SP100: variants seen among roughly 807,000 people sequenced by gnomAD.
SP100 encodes the protein SP100 nuclear body protein, also known as nuclear autoantigen Sp-100.
Under a neutral mutation model 130.0 loss-of-function variants are expected in SP100, and 84 were observed. That is an observed-to-expected ratio of 0.65 (90% CI 0.54 to 0.77). The LOEUF (loss-of-function observed/expected upper bound fraction) is 0.77, where lower values mean the gene tolerates loss of function less well. Ranked by LOEUF, SP100 falls within the 30% of genes least tolerant of loss-of-function variation. SP100 has a pLI of 0.00. For missense variants in SP100, 978 were observed against 1,052.2 expected (o/e 0.93, Z 0.97); for synonymous variants, 331 against 351.7 (o/e 0.94, Z 0.66).
At chr2:230,481,542 T>A (rs547208846) in intron 17 of SP100, among the ~76,000 whole-genome samples, 1 of 152,220 alleles carries the variant, frequency 6.6e-6, no homozygotes, top group South Asian at 2.1e-4. Context: ...CCTATTATCT[T>A]GCATGTGGAA....
Position 230,461,379 on chromosome 2 carries a change from C to A in SP100, c.938C>A (p.Ala313Glu), listed in dbSNP as rs143684378. 9.9e-6 allele frequency: 16 copies of A among 1,614,006 alleles called. No individual in the cohort carries two copies. In the African/African-American group the frequency reaches 1.5e-4, roughly 15 times the overall value. Residue 313 changes from alanine (A) to glutamate (E), a missense_variant, in exon 9 of 29, where the codon GCA becomes GAA. Transcript: ENST00000340126. Reference protein sequence around the residue: ...SNSKVECQAQARTHHNQASDI... With the variant: ...SNSKVECQAQERTHHNQASDI... ...TCAAAAGTTGAGTGCCAAGCCCAAG[C>A]AAGAACTCATCATAACCAGGCATCT...
intron 2 of SP100, chr2:230,440,548 T>G: frequency 7.2e-7 from 1 of 1,380,868 alleles, no homozygotes. Context: ...CTGGGTAAAA[T>G]TAAACACATG....
intron 2 of SP100, chr2:230,440,549 TAAAC>T: frequency 7.2e-7 from 1 of 1,380,618 alleles, no homozygotes. Context: ...TGGGTAAAAT[TAAAC>T]ACATGTAAGT....
chr2:230,470,917 C>T (rs960448327), intron 15 of SP100, among the ~76,000 whole-genome samples: 1 of 151,556 alleles, frequency 6.6e-6, no homozygotes, highest in African/African-American at 2.4e-5. Context: ...TGTGTGTACA[C>T]ATGCATATAT....
chr2:230,436,410 T>C (rs1243505472), intron 2 of SP100, among the ~76,000 whole-genome samples: 1 of 152,094 alleles, frequency 6.6e-6, no homozygotes, highest in African/African-American at 2.4e-5. Context: ...ATGGAGGTAA[T>C]TGAATCATGG....
intron 21 of SP100, 150 bp downstream of exon 21, chr2:230,504,440 C>T: frequency 3.6e-6 from 2 of 559,886 alleles, no homozygotes; most frequent in South Asian, 6.2e-5. Context: ...CTTGGGACAT[C>T]ATCACATTTA....
intron 5 of SP100, among the ~76,000 whole-genome samples, chr2:230,448,036 A>C (rs1280753832): frequency 6.6e-6 from 1 of 152,214 alleles, no homozygotes; most frequent in Non-Finnish European, 1.5e-5. Flanking sequence ...GTTATGACTT[A>C]AGATGTTTTA....
intron 2 of SP100, among the ~76,000 whole-genome samples, chr2:230,437,310 T>G (rs1268197511): frequency 6.6e-6 from 1 of 152,256 alleles, no homozygotes; most frequent in East Asian, 1.9e-4. Context: ...TTGTCATTGG[T>G]TTTCTCTTTC....
chr2:230,541,701 C>A (rs749978600), intron 27 of SP100, among the ~76,000 whole-genome samples, 191 bp from the exon 28 acceptor site: 8 of 152,074 alleles, frequency 5.3e-5, no homozygotes, highest in Non-Finnish European at 1.0e-4. Context: ...TTTATAAGAG[C>A]CCTAATCCTA....
At chr2:230,416,636 T>C in intron 1 of SP100, 1 of 643,306 alleles carries the variant, frequency 1.6e-6, no homozygotes, top group Non-Finnish European at 2.1e-6. Context: ...AACTATTTCC[T>C]CATGATCTGT....
chr2:230,513,604 G>A (rs1368802433), intron 24 of SP100, among the ~76,000 whole-genome samples: 1 of 152,092 alleles, frequency 6.6e-6, no homozygotes, highest in Non-Finnish European at 1.5e-5. Context: ...CCTTGTCAAT[G>A]GGAAGGCTTA....
rs748609427 is a variant in SP100 at position 230,506,416 on chromosome 2, G to A, written c.1984G>A (p.Gly662Ser). The change falls in exon 22 of 29, where the codon GGT becomes AGT. Residue 662 changes from glycine to serine, a missense_variant. Coordinates refer to ENST00000340126, the MANE Select transcript of SP100 (RefSeq NM_001080391.2). ...SKNWKLSIRC[G>S]GYTLKVLMEN... ...GAACTGGAAGCTAAGTATACGCTGC[G>A]GTGGATATACCCTGAAAGTCCTGAT... 21 of 1,613,886 alleles carry A rather than the reference G, an allele frequency of 1.3e-5. No homozygotes were observed. The highest frequency in any genetic ancestry group is 1.7e-4 in the Middle Eastern group (1 of 6,054).
chr2:230,499,238 A>G (rs1281444359), intron 19 of SP100, among the ~76,000 whole-genome samples: 2 of 151,734 alleles, frequency 1.3e-5, no homozygotes, highest in Non-Finnish European at 2.9e-5. Context: ...TAGAGGCTCT[A>G]AAATGCAAAG....
chr2:230,523,441 T>C (rs1407483027), intron 24 of SP100, among the ~76,000 whole-genome samples: 2 of 152,050 alleles, frequency 1.3e-5, no homozygotes, highest in Non-Finnish European at 2.9e-5. Flanking sequence ...CCAAGGCAGG[T>C]GGATCACTTG....
intron 8 of SP100, 56 bp downstream of exon 8, chr2:230,450,311 T>TTTGG (rs878983393): frequency 2.4e-4 from 330 of 1,370,668 alleles, no homozygotes; most frequent in Admixed American, 3.3e-4. Context: ...ATGCTATACA[T>TTTGG]TTGGTTGGTT....
chr2:230,416,372 A>G (rs752523022), intron 1 of SP100, 44 bp downstream of exon 1: 1 of 1,571,644 alleles, frequency 6.4e-7, no homozygotes, highest in South Asian at 1.1e-5. Context: ...CTCTGGCTAT[A>G]TTGCAGCTTT....
chr2:230,420,575 G>C (rs1194689660), intron 2 of SP100, among the ~76,000 whole-genome samples: 1 of 151,948 alleles, frequency 6.6e-6, no homozygotes, highest in Admixed American at 6.6e-5. Context: ...TTTACTAAAA[G>C]TTATTTATTT....
chr2:230,477,504 G>A (rs182423319), intron 17 of SP100, among the ~76,000 whole-genome samples: 2 of 152,158 alleles, frequency 1.3e-5, no homozygotes, highest in East Asian at 3.9e-4. Context: ...TCTACAGGGG[G>A]TTTGCCTTTC....
intron 2 of SP100, among the ~76,000 whole-genome samples, chr2:230,424,023 G>A (rs558185529): frequency 5.7e-4 from 87 of 152,294 alleles, no homozygotes; most frequent in African/African-American, 2.0e-3. Flanking sequence ...TAGTAGAGAG[G>A]GTAGGAGCAG....
Sources: allele counts gnomAD v4.1 joint callset (sites outside exome capture counted in the v4.1 genomes callset), GRCh38; gene constraint gnomAD v4.1.1; transcripts MANE v1.5; gene names NCBI Gene and HGNC (gene_info 2026-07-23, HGNC 2026-07-21).